Variants in ABCA12 observed in about 807,000 individuals in gnomAD.
ABCA12 encodes the protein ATP binding cassette subfamily A member 12.
A neutral mutation model predicts 293.5 loss-of-function variants in ABCA12; 156 were observed. That is an observed-to-expected ratio of 0.53 (90% confidence interval 0.47 to 0.61). The LOEUF (loss-of-function observed/expected upper bound fraction) is 0.61, where lower values mean the gene tolerates loss of function less well. ABCA12 is among the 20% of genes least tolerant of loss of function. The pLI, the probability that ABCA12 is intolerant of heterozygous loss-of-function variation, is 0.00. For missense variants in ABCA12, 2,797 were observed against 3,090.2 expected (o/e 0.91, Z 2.25); for synonymous variants, 1,063 against 1,108.0 (o/e 0.96, Z 0.81).
intron 34 of ABCA12, 56 bp from the exon 35 acceptor site, chr2:214,974,920 T>C: frequency 7.0e-7 from 1 of 1,427,186 alleles, no homozygotes. Flanking sequence ...TCTCCCATAT[T>C]AAAATCATGC....
At chr2:215,059,082 G>C (rs1701477493) in intron 3 of ABCA12, among the ~76,000 whole-genome samples, 1 of 151,962 alleles carries the variant, frequency 6.6e-6, no homozygotes, top group African/African-American at 2.4e-5. Flanking sequence ...GCAAATCCTG[G>C]AAAGAAAATT....
In ABCA12 at chr2:214,959,006, C is replaced by T. The variant is rs1206947609; in HGVS notation, c.5939+18G>A. ...CTATGTCAAGGAGAAAGTAGTCATG[C>T]TAGAGATATCTGCTTACGTGGCTTG... On this transcript the variant is annotated intron_variant, in intron 40 of 52. Coordinates refer to ENST00000272895, the MANE Select transcript of ABCA12 (RefSeq NM_173076.3). 4 of 1,611,972 alleles carry T rather than the reference C, an allele frequency of 2.5e-6. No homozygotes were observed. Among genetic ancestry groups the T allele is most frequent in the Non-Finnish European group, 3.4e-6 (4 of 1,178,118 alleles).
At chr2:214,959,144 G>T in intron 39 of ABCA12, 66 bp from the exon 40 acceptor site, 1 of 1,305,414 alleles carries the variant, frequency 7.7e-7, no homozygotes, top group Non-Finnish European at 1.1e-6. Context: ...ATTTTTAGAT[G>T]AATAATATTC....
At chr2:214,991,450 G>A (rs555370432) in intron 23 of ABCA12, among the ~76,000 whole-genome samples, 1 of 152,124 alleles carries the variant, frequency 6.6e-6, no homozygotes, top group Non-Finnish European at 1.5e-5. Flanking sequence ...TATTAGTTCA[G>A]TGTAGAGACT....
intron 8 of ABCA12, among the ~76,000 whole-genome samples, chr2:215,035,536 G>A (rs765967047): frequency 2.0e-5 from 3 of 151,824 alleles, no homozygotes; most frequent in Non-Finnish European, 4.4e-5. Context: ...GGGCGTGGTA[G>A]GCGCCTGTAA....
chr2:214,956,874 G>C, intron 41 of ABCA12, 96 bp from the exon 42 acceptor site: 1 of 792,610 alleles, frequency 1.3e-6, no homozygotes, highest in Non-Finnish European at 2.2e-6. Context: ...GCAACAAGTT[G>C]ACCTAGAAAA....
intron 1 of ABCA12, among the ~76,000 whole-genome samples, chr2:215,127,418 G>C (rs1482362684): frequency 1.3e-5 from 2 of 152,062 alleles, no homozygotes; most frequent in African/African-American, 4.8e-5. Flanking sequence ...TTACTATGTT[G>C]CTGCCTATCT....
rs1698059340 is a variant in ABCA12, at chr2:214,931,611, A to G, written c.*1023T>C. On this transcript the variant is annotated 3_prime_UTR_variant, in exon 53 of 53. Coordinates refer to ENST00000272895, the MANE Select transcript of ABCA12 (RefSeq NM_173076.3). ...GTCATGCCAAAGCTGACAAACTTGT[A>G]TAGATACACACACATACACGCACAC... The G allele has an allele frequency of 6.6e-6, 1 of 152,640 alleles. No homozygotes were observed. Among genetic ancestry groups the G allele is most frequent in the Non-Finnish European group, 1.5e-5 (1 of 68,064 alleles). 9.5% of individuals were successfully genotyped at this position (152,640 alleles called of 1,614,324 possible). A position where few individuals can be genotyped will look rare whatever the true frequency, so the allele number is the denominator to read the frequency against.
Position 215,051,295 on chromosome 2 carries a change from A to G in ABCA12, c.507+1192T>C, listed in dbSNP as rs2106056182. 2.0e-5 allele frequency among the ~76,000 whole-genome samples: 3 copies of G among 152,278 alleles called. No homozygotes were observed. The South Asian group carries it at 6.2e-4, about 32-fold the overall frequency. On this transcript the variant is annotated intron_variant, in intron 5 of 52. Coordinates refer to ENST00000272895, the MANE Select transcript of ABCA12 (RefSeq NM_173076.3). ...AAAAACATTAGAAGCCTCAAATATT[A>G]TGTAAACTAGACTTTCAATGTCTAG...
chr2:215,027,659 A>AT (rs907048025), intron 9 of ABCA12, among the ~76,000 whole-genome samples: 7 of 151,590 alleles, frequency 4.6e-5, no homozygotes, highest in East Asian at 1.9e-4. Flanking sequence ...GAGTCCTGCA[A>AT]TTTTTTTTTA....
intron 2 of ABCA12, among the ~76,000 whole-genome samples, chr2:215,082,262 C>A (rs1006979308): frequency 2.0e-5 from 3 of 151,814 alleles, no homozygotes; most frequent in Admixed American, 2.0e-4. Context: ...CCAGGCTGGT[C>A]TCGAACTCCT....
intron 2 of ABCA12, among the ~76,000 whole-genome samples, chr2:215,079,854 C>CACA (rs1435464786): frequency 6.6e-6 from 1 of 152,130 alleles, no homozygotes. Context: ...TGAAATCAGA[C>CACA]ACAACATAAA....
intron 2 of ABCA12, among the ~76,000 whole-genome samples, chr2:215,104,394 G>A (rs537739641): frequency 6.6e-6 from 1 of 152,340 alleles, no homozygotes; most frequent in African/African-American, 2.4e-5. Context: ...ATTAGGGTGT[G>A]CCCATCCACA....
intron 13 of ABCA12, among the ~76,000 whole-genome samples, chr2:215,018,604 G>A (rs913351989): frequency 2.0e-5 from 3 of 151,986 alleles, no homozygotes; most frequent in Non-Finnish European, 4.4e-5. Flanking sequence ...CAGTTATAAA[G>A]GGTTTTTACA....
rs919147281 is a variant in ABCA12 at position 214,967,020 on chromosome 2, G to A, written c.5779-67C>T. On this transcript the variant is annotated intron_variant, in intron 38 of 52. Transcript: ENST00000272895. ...AATAAATTAGGCTGTCTTAACATCT[G>A]ACAGCTATCTTATTTATATTTAAAA... The A allele has an allele frequency of 4.3e-6, 5 of 1,165,020 alleles. No homozygotes were observed. In the African/African-American group the frequency reaches 4.6e-5, roughly 11 times the overall value. 72.2% of individuals were successfully genotyped at this position (1,165,020 alleles called of 1,614,324 possible).
chr2:214,988,749 C>T (rs1414185436), intron 26 of ABCA12, among the ~76,000 whole-genome samples: 2 of 152,124 alleles, frequency 1.3e-5, no homozygotes, highest in East Asian at 1.9e-4. Context: ...TCTTAATTCA[C>T]TCCATCTTTT....
intron 5 of ABCA12, among the ~76,000 whole-genome samples, chr2:215,051,877 A>G (rs1173038005): frequency 1.3e-5 from 2 of 152,098 alleles, no homozygotes; most frequent in African/African-American, 4.8e-5. Context: ...TGTTCTGCCT[A>G]AAGGCATTCA....
rs776770580 is a variant in ABCA12 at position 214,953,897 on chromosome 2, A to G, written c.6604T>C (p.Ser2202Pro). The change falls in exon 44 of 53, where the codon TCC becomes CCC. Residue 2202 changes from serine to proline, a missense_variant. By Grantham distance (74) the Ser-to-Pro change is moderately conservative. Around this residue, in one of 3 missense-constraint regions of ABCA12, gnomAD observed 2,130 missense variants for 2,427.0 expected, o/e 0.88. Transcript: ENST00000272895. ...ALVSQGTMFF[S>P]LRLLINESLI... The stretch of plus-strand genomic sequence containing the variant: ...GATTCGTTGATTAAGAGTCGCAAGG[A>G]AAAAAACATGGTGCCCTGAGAAACC... The G allele has an allele frequency of 6.2e-7, 1 of 1,613,974 alleles. No individual in the cohort carries two copies. The highest frequency in any genetic ancestry group is 8.5e-7 in the Non-Finnish European group (1 of 1,179,950).
At chr2:214,938,840 G>A (rs769823713) in intron 50 of ABCA12, among the ~76,000 whole-genome samples, 1 of 152,112 alleles carries the variant, frequency 6.6e-6, no homozygotes, top group Admixed American at 6.5e-5. Flanking sequence ...TAAGTTCTTT[G>A]TAGATTCTGG....
Sources: gnomAD v4.1 joint callset for allele counts (sites outside exome capture counted in the v4.1 genomes callset) on GRCh38, gnomAD v4.1.1 for gene constraint, gnomAD v4.1.1 regional missense constraint, MANE v1.5 for transcripts, NCBI Gene and HGNC (gene_info 2026-07-23, HGNC 2026-07-21) for gene names.